Variants in HROB observed in about 807,000 individuals in gnomAD.
HROB encodes the protein homologous recombination OB-fold protein.
Under a neutral mutation model 61.0 loss-of-function variants are expected in HROB, and 44 were observed. The observed-to-expected ratio is 0.72, with a 90% CI of 0.57 to 0.93. The LOEUF is 0.93. Among genes scored for constraint, HROB ranks in the 40% least tolerant of loss-of-function variants. The pLI is 0.00. For synonymous variants in HROB, 301 were observed against 310.4 expected (o/e 0.97, Z 0.32); for missense variants, 716 against 796.2 (o/e 0.90, Z 1.21).
At position 44,149,234 on chromosome 17, in the gene HROB, T is replaced by C. The variant is rs2053722368; in HGVS notation, c.1224+207T>C. Among the ~76,000 whole-genome samples, 6 of 146,316 alleles carry C rather than the reference T, an allele frequency of 4.1e-5. No homozygotes were observed. In the South Asian group the frequency reaches 1.3e-3, roughly 31 times the overall value. On this transcript the variant is annotated intron_variant, in intron 3 of 9. Coordinates refer to ENST00000585683, the MANE Select transcript of HROB (RefSeq NM_001171251.3). ...AGTGCTTAAGGCTCTGAGGACATCA[T>C]AATTTTCTTTTTTCTTCTCCTTTTT... is the stretch of plus-strand genomic sequence containing the variant.
At chr17:44,151,348 A>G (rs2053798880) in intron 4 of HROB, among the ~76,000 whole-genome samples, 1 of 152,108 alleles carries the variant, frequency 6.6e-6, no homozygotes, top group South Asian at 2.1e-4. Context: ...AAGTATTATG[A>G]GATTGTGTCT....
rs766894872 is a variant in HROB, at chr17:44,151,045, G to GT, written c.1308+2dup. ...TGCTCTGGCTAAATTCCAGACAGAG[G>GT]TAACTTATGCAAATGTTAACTTTCT... On this transcript the variant is annotated splice_donor_variant, in intron 4 of 9. Coordinates refer to ENST00000585683, the MANE Select transcript of HROB (RefSeq NM_001171251.3). LOFTEE classifies it high-confidence loss of function. 1 of 1,609,482 alleles carries GT rather than the reference G, an allele frequency of 6.2e-7. No individual in the cohort carries two copies. Among genetic ancestry groups the GT allele is most frequent in the Non-Finnish European group, 8.5e-7 (1 of 1,176,288 alleles).
chr17:44,156,182 C>T (rs1280195530), intron 8 of HROB, among the ~76,000 whole-genome samples: 4 of 152,096 alleles, frequency 2.6e-5, no homozygotes, highest in African/African-American at 7.2e-5. Context: ...TTCCCCTTAG[C>T]CCCTCCACAT....
chr17:44,158,924 G>A (rs1415743409), intron 9 of HROB, among the ~76,000 whole-genome samples: 2 of 152,052 alleles, frequency 1.3e-5, no homozygotes, highest in South Asian at 4.2e-4. Flanking sequence ...TGGGATTACA[G>A]GCGTGAGCCA....
In HROB at chr17:44,148,687, G is replaced by A. The variant is rs1364967465; in HGVS notation, c.884G>A (p.Arg295His). 17 of 1,614,004 alleles carry A rather than the reference G, an allele frequency of 1.1e-5. No homozygotes were observed. The highest frequency in any genetic ancestry group is 1.4e-5 in the Non-Finnish European group (16 of 1,180,016). The change falls in exon 3 of 10, where the codon CGT becomes CAT. Residue 295 changes from arginine to histidine, a missense_variant. By Grantham distance (29) the Arg-to-His change is conservative. Coordinates refer to ENST00000585683, the MANE Select transcript of HROB (RefSeq NM_001171251.3). ...RGTIQSSPQN[R>H]FPCQPFQSPS... ...ACCATTCAGAGCAGCCCTCAAAATC[G>A]TTTCCCTTGTCAGCCATTCCAGTCT...
At position 44,147,909 on chromosome 17, in the gene HROB, C is replaced by T; in HGVS notation, c.106C>T (p.Pro36Ser). 24 of 1,614,096 alleles carry T rather than the reference C, an allele frequency of 1.5e-5. No individual in the cohort carries two copies. The highest frequency in any genetic ancestry group is 1.9e-5 in the Non-Finnish European group (23 of 1,180,012). The change falls in exon 3 of 10, where the codon CCT becomes TCT. Residue 36 changes from proline (P) to serine (S), a missense_variant. Coordinates refer to ENST00000585683, the MANE Select transcript of HROB (RefSeq NM_001171251.3). ...DAENRFTGSL[P>S]VNAGRLRPVS... ...AGAGAACCGGTTTACTGGCTCACTG[C>T]CTGTGAATGCTGGGCGCCTGAGACC...
chr17:44,144,965 C>G (rs1567711194), intron 1 of HROB, among the ~76,000 whole-genome samples: 1 of 151,590 alleles, frequency 6.6e-6, no homozygotes, highest in African/African-American at 2.4e-5. Context: ...ATCCACCTGC[C>G]TCGGCCTCCC....
rs1598115793 is a variant in HROB, at chr17:44,161,996, C to A, written c.*64C>A. 6.5e-7 allele frequency: 1 copy of A among 1,534,460 alleles called. No individual in the cohort carries two copies. The highest frequency in any genetic ancestry group is 9.0e-7 in the Non-Finnish European group (1 of 1,110,324). Reference sequence around the variant, plus strand: ...GCTCTGGGCATGTGTCTGGTCACATCCAAGGGGGAGAAGAAGGCCAGCATG... The same window carrying A: ...GCTCTGGGCATGTGTCTGGTCACATACAAGGGGGAGAAGAAGGCCAGCATG... On this transcript the variant is annotated 3_prime_UTR_variant, in exon 10 of 10. Coordinates refer to ENST00000585683, the MANE Select transcript of HROB (RefSeq NM_001171251.3).
At chr17:44,149,460 G>T (rs2053731613) in intron 3 of HROB, among the ~76,000 whole-genome samples, 1 of 152,204 alleles carries the variant, frequency 6.6e-6, no homozygotes, top group East Asian at 1.9e-4. Context: ...TATTGGCCAG[G>T]CTGGTCTCGA....
At chr17:44,144,994 G>T (rs1284803495) in intron 1 of HROB, among the ~76,000 whole-genome samples, 1 of 152,124 alleles carries the variant, frequency 6.6e-6, no homozygotes, top group African/African-American at 2.4e-5. Context: ...GGGATTACAG[G>T]CATGAGTCAC....
Position 44,142,031 on chromosome 17 carries a change from C to A in HROB, c.-112C>A. On this transcript the variant is annotated 5_prime_UTR_variant, in exon 1 of 10. Transcript: ENST00000585683. ...CATCCCTCTGACCCCAGCCCGGAAG[C>A]ACTGTCCCTCGGAGTCCGAGACTTC... 2 of 1,401,368 alleles carry A rather than the reference C, an allele frequency of 1.4e-6. No homozygotes were observed. Among genetic ancestry groups the A allele is most frequent in the East Asian group, 2.7e-5 (1 of 36,622 alleles). 86.8% of individuals were successfully genotyped at this position (1,401,368 alleles called of 1,614,324 possible).
At chr17:44,160,214 G>A (rs78764979) in intron 9 of HROB, among the ~76,000 whole-genome samples, 2 of 152,024 alleles carry the variant, frequency 1.3e-5, no homozygotes, top group South Asian at 2.1e-4. Context: ...TGTACTGGCT[G>A]TTTTTTTTCT....
Position 44,162,118 on chromosome 17 carries a change from G to T in HROB, c.*186G>T. The stretch of plus-strand genomic sequence containing the variant: ...TCATCTCTGCGCTGCCCTCACTTTG[G>T]GCCTTCCTTTGCCGTTGGCACCAGA... On this transcript the variant is annotated 3_prime_UTR_variant, in exon 10 of 10. Transcript: ENST00000585683. 1 of 573,048 alleles carries T rather than the reference G, an allele frequency of 1.7e-6. No individual in the cohort carries two copies. Among genetic ancestry groups the T allele is most frequent in the Non-Finnish European group, 3.0e-6 (1 of 338,534 alleles). The allele number at this position is 573,048 out of a possible 1,614,324, so 35.5% of individuals were successfully genotyped here.
At chr17:44,149,077 G>T in intron 3 of HROB, 50 bp downstream of exon 3, 1 of 1,528,040 alleles carries the variant, frequency 6.5e-7, no homozygotes, top group Non-Finnish European at 9.0e-7. Context: ...GAGAAGCAGG[G>T]TTCCAGCACT....
chr17:44,146,238 C>G (rs1190919995), intron 2 of HROB, among the ~76,000 whole-genome samples: 1 of 152,110 alleles, frequency 6.6e-6, no homozygotes, highest in African/African-American at 2.4e-5. Context: ...TTTGTAGAGA[C>G]AGGGTCTTAC....
At chr17:44,145,060 C>A in intron 1 of HROB, 143 bp from the exon 2 acceptor site, 1 of 877,388 alleles carries the variant, frequency 1.1e-6, no homozygotes, top group Non-Finnish European at 1.8e-6. Flanking sequence ...CTTCTCATTC[C>A]TTAGTCCTTT....
At chr17:44,158,845 C>T (rs958135384) in intron 9 of HROB, among the ~76,000 whole-genome samples, 1 of 152,094 alleles carries the variant, frequency 6.6e-6, no homozygotes, top group Non-Finnish European at 1.5e-5. Context: ...GACGGGGTTT[C>T]ACTGTGTTAG....
chr17:44,142,296 A>C, intron 1 of HROB, 151 bp downstream of exon 1: 1 of 1,077,762 alleles, frequency 9.3e-7, no homozygotes, highest in Non-Finnish European at 1.3e-6. Flanking sequence ...GGCTGTCGTC[A>C]GGGCTTGTCA....
At chr17:44,145,382 G>T in intron 2 of HROB, 129 bp downstream of exon 2, 2 of 1,077,238 alleles carry the variant, frequency 1.9e-6, no homozygotes, top group South Asian at 2.9e-5. Flanking sequence ...TGCCTGTGAG[G>T]TGCTGAGAAG....
Sources: gnomAD v4.1 joint callset for allele counts (sites outside exome capture counted in the v4.1 genomes callset) on GRCh38, gnomAD v4.1.1 for gene constraint, MANE v1.5 for transcripts, NCBI Gene and HGNC (gene_info 2026-07-23, HGNC 2026-07-21) for gene names.